Variants in TPD52L1 observed in about 807,000 individuals in gnomAD.
TPD52L1 encodes TPD52 like 1.
TPD52L1 carries 18 observed loss-of-function variants against 28.7 expected under a neutral mutation model. The ratio of observed to expected loss-of-function variants is 0.63; its 90% CI spans 0.43 to 0.93. TPD52L1 has a LOEUF of 0.93. TPD52L1 is among the 40% of genes least tolerant of loss of function. The probability of loss-of-function intolerance (pLI) is 0.00; values close to 1 mark genes in which losing one functional copy is unlikely to be tolerated. For synonymous variants in TPD52L1, 75 were observed against 88.8 expected (o/e 0.84, Z 0.88); for missense variants, 203 against 254.8 (o/e 0.80, Z 1.39).
intron 3 of TPD52L1, among the ~76,000 whole-genome samples, chr6:125,234,166 A>C (rs1215294335): frequency 1.3e-5 from 2 of 152,230 alleles, no homozygotes; most frequent in Non-Finnish European, 2.9e-5. Context: ...GCTTTAAAAA[A>C]CATTAGCTGC....
chr6:125,156,067 C>A (rs1003416485), intron 1 of TPD52L1, among the ~76,000 whole-genome samples: 1 of 152,112 alleles, frequency 6.6e-6, no homozygotes, highest in African/African-American at 2.4e-5. Context: ...CTCCAGCTGT[C>A]CTGTGGTGCT....
At chr6:125,218,731 G>T (rs1209991681) in intron 1 of TPD52L1, among the ~76,000 whole-genome samples, 1 of 152,162 alleles carries the variant, frequency 6.6e-6, no homozygotes, top group Non-Finnish European at 1.5e-5. Context: ...TGGTTTAAAG[G>T]TGTCCAATGT....
At chr6:125,157,108 A>AT (rs373831505) in intron 1 of TPD52L1, among the ~76,000 whole-genome samples, 1,918 of 152,274 alleles carry the variant, frequency 0.013, 34 homozygotes, top group African/African-American at 0.043. Flanking sequence ...CAGTTCTGTG[A>AT]TTTTTAAAGT....
At chr6:125,227,448 A>C (rs1795679753) in intron 2 of TPD52L1, among the ~76,000 whole-genome samples, 1 of 152,216 alleles carries the variant, frequency 6.6e-6, no homozygotes, top group South Asian at 2.1e-4. Context: ...GATGACTGAC[A>C]GCCTGACAGG....
At position 125,244,409 on chromosome 6, in the gene TPD52L1, G is replaced by A. The variant is rs543714972; in HGVS notation, c.285-3873G>A. Among the ~76,000 whole-genome samples the A allele has an allele frequency of 3.3e-5, 5 of 152,266 alleles. No homozygotes were observed. In the South Asian group the frequency reaches 8.3e-4, roughly 25 times the overall value. On this transcript the variant is annotated intron_variant, in intron 3 of 6. Coordinates refer to ENST00000534000, the MANE Select transcript of TPD52L1 (RefSeq NM_003287.4). ...GCTGGAGGACCTCTCAATTAGATGTGCTGAGGTTTCATCAAGGTGAGGAGT... is the reference window on the plus strand; with the variant it reads ...GCTGGAGGACCTCTCAATTAGATGTACTGAGGTTTCATCAAGGTGAGGAGT...
intron 1 of TPD52L1, among the ~76,000 whole-genome samples, chr6:125,207,397 T>C (rs907201222): frequency 5.9e-5 from 9 of 152,208 alleles, no homozygotes; most frequent in Non-Finnish European, 1.2e-4. Flanking sequence ...ATCATTTCCT[T>C]TTTGGAAAAT....
intron 1 of TPD52L1, among the ~76,000 whole-genome samples, chr6:125,206,567 G>A (rs1444837021): frequency 6.6e-6 from 1 of 152,148 alleles, no homozygotes; most frequent in South Asian, 2.1e-4. Flanking sequence ...ACATGACTGA[G>A]GAATGCTGTG....
At chr6:125,254,673 C>A (rs759908026) in intron 5 of TPD52L1, among the ~76,000 whole-genome samples, 18 of 152,182 alleles carry the variant, frequency 1.2e-4, no homozygotes, top group South Asian at 4.1e-4. Flanking sequence ...TAGTTTGAGA[C>A]CGCCGAAGCC....
At chr6:125,204,214 A>G (rs897079242) in intron 1 of TPD52L1, among the ~76,000 whole-genome samples, 6 of 152,296 alleles carry the variant, frequency 3.9e-5, no homozygotes, top group East Asian at 1.9e-4. Context: ...TTACCTGAGC[A>G]TATAAAGGTA....
intron 1 of TPD52L1, among the ~76,000 whole-genome samples, chr6:125,179,099 C>T (rs1181389699): frequency 6.6e-6 from 1 of 152,232 alleles, no homozygotes; most frequent in Non-Finnish European, 1.5e-5. Flanking sequence ...CTTCAGACCA[C>T]TCAGTCTTAA....
At chr6:125,251,497 G>A (rs1354544432) in intron 4 of TPD52L1, among the ~76,000 whole-genome samples, 1 of 151,904 alleles carries the variant, frequency 6.6e-6, no homozygotes, top group African/African-American at 2.4e-5. Flanking sequence ...TGTATGTTTT[G>A]TAAAAATAAG....
intron 1 of TPD52L1, among the ~76,000 whole-genome samples, chr6:125,211,995 G>A (rs1040223485): frequency 1.5e-4 from 23 of 152,016 alleles, no homozygotes; most frequent in Admixed American, 2.6e-4. Flanking sequence ...GAATTGACTC[G>A]TGTTAGATTT....
At chr6:125,239,782 GGTTT>G (rs1241034455) in intron 3 of TPD52L1, among the ~76,000 whole-genome samples, 1 of 152,026 alleles carries the variant, frequency 6.6e-6, no homozygotes, top group Admixed American at 6.6e-5. Flanking sequence ...CTCCCACTCT[GGTTT>G]GTCTGTTTGC....
intron 1 of TPD52L1, among the ~76,000 whole-genome samples, chr6:125,189,991 C>T (rs1285806856): frequency 6.6e-6 from 1 of 151,976 alleles, no homozygotes; most frequent in Non-Finnish European, 1.5e-5. Flanking sequence ...TTCCACTTTC[C>T]TTTCTTTACT....
intron 6 of TPD52L1, among the ~76,000 whole-genome samples, chr6:125,258,242 CT>C (rs1334291889): frequency 1.3e-5 from 2 of 152,134 alleles, no homozygotes; most frequent in South Asian, 2.1e-4. Flanking sequence ...GAAATTATTA[CT>C]CAGCATTTAC....
intron 2 of TPD52L1, among the ~76,000 whole-genome samples, chr6:125,221,486 A>G (rs894486851): frequency 1.3e-5 from 2 of 152,214 alleles, no homozygotes; most frequent in Admixed American, 1.3e-4. Context: ...TGATAATGCT[A>G]GTTTAAGTTT....
chr6:125,260,990 GA>G (rs1562410885), intron 6 of TPD52L1: 2 of 43,864 alleles, frequency 4.6e-5, no homozygotes, highest in Admixed American at 2.8e-4. Flanking sequence ...AGAAAAGAAA[GA>G]AAGAAAGAAA....
intron 5 of TPD52L1, among the ~76,000 whole-genome samples, chr6:125,254,667 T>C (rs539346954): frequency 6.6e-6 from 1 of 152,334 alleles, no homozygotes; most frequent in Non-Finnish European, 1.5e-5. Context: ...TTTCAATAGT[T>C]TGAGACCGCC....
chr6:125,183,503 A>C (rs1459156312), intron 1 of TPD52L1, among the ~76,000 whole-genome samples: 1 of 152,140 alleles, frequency 6.6e-6, no homozygotes, highest in East Asian at 1.9e-4. Context: ...AAAAGAAATG[A>C]AATGAAATGA....
Sources: gnomAD v4.1 joint callset for allele counts (sites outside exome capture counted in the v4.1 genomes callset) on GRCh38, gnomAD v4.1.1 for gene constraint, MANE v1.5 for transcripts, NCBI Gene and HGNC (gene_info 2026-07-23, HGNC 2026-07-21) for gene names.